Variants in NRG1 observed in about 807,000 individuals in gnomAD.
NRG1 encodes pro-neuregulin-1, membrane-bound isoform.
A neutral mutation model predicts 63.8 loss-of-function variants in NRG1; 18 were observed. The ratio of observed to expected loss-of-function variants is 0.28; its 90% CI spans 0.19 to 0.42. The LOEUF (loss-of-function observed/expected upper bound fraction) is 0.42. Ranked by LOEUF, NRG1 falls within the 10% of genes least tolerant of loss-of-function variation. The pLI is 1.00. For missense variants in NRG1, 762 were observed against 814.7 expected (o/e 0.94, Z 0.79); for synonymous variants, 302 against 301.3 (o/e 1.00, Z -0.02).
chr8:32,280,682 TTTTTTTTTG>T (rs1438397344), intron 1 of NRG1, among the ~76,000 whole-genome samples: 73 of 92,274 alleles, frequency 7.9e-4, no homozygotes, highest in African/African-American at 3.1e-3. Flanking sequence ...TGAATTAGGT[TTTTTTTTTG>T]TTTTTTTTTT....
chr8:32,680,477 G>T (rs10109194), intron 5 of NRG1, among the ~76,000 whole-genome samples: 14,027 of 152,144 alleles, frequency 0.092, 690 homozygotes, highest in African/African-American at 0.11. Flanking sequence ...GTTTATTGAG[G>T]CATGATCCAG....
At chr8:31,723,450 C>G (rs541333154) in intron 1 of NRG1, among the ~76,000 whole-genome samples, 1 of 152,058 alleles carries the variant, frequency 6.6e-6, no homozygotes, top group Non-Finnish European at 1.5e-5. Context: ...AACCTCTTTT[C>G]TCTTTTCCTT....
At chr8:32,534,831 T>C (rs1325823563) in intron 1 of NRG1, among the ~76,000 whole-genome samples, 1 of 152,166 alleles carries the variant, frequency 6.6e-6, no homozygotes, top group Non-Finnish European at 1.5e-5. Flanking sequence ...TTAATTTTAC[T>C]TTGGCTGTGG....
intron 1 of NRG1, among the ~76,000 whole-genome samples, chr8:32,350,218 A>G (rs1216630065): frequency 4.6e-5 from 7 of 152,206 alleles, no homozygotes; most frequent in Non-Finnish European, 1.0e-4. Flanking sequence ...AGAGAATAAT[A>G]AATTGTAAGA....
intron 5 of NRG1, among the ~76,000 whole-genome samples, chr8:32,727,562 A>G (rs1822527563): frequency 6.6e-6 from 1 of 152,224 alleles, no homozygotes; most frequent in Non-Finnish European, 1.5e-5. Context: ...ATTGCCATTA[A>G]AAATAGATGT....
chr8:31,918,686 G>A (rs1487194749), intron 1 of NRG1, among the ~76,000 whole-genome samples: 3 of 152,120 alleles, frequency 2.0e-5, no homozygotes, highest in Non-Finnish European at 2.9e-5. Context: ...GTCTCTGTCC[G>A]GCTTTGGTAT....
chr8:31,949,275 T>C (rs985771586), intron 1 of NRG1, among the ~76,000 whole-genome samples: 10 of 152,202 alleles, frequency 6.6e-5, no homozygotes, highest in African/African-American at 2.4e-4. Flanking sequence ...ACTTTCCATG[T>C]TAACAAAATC....
At chr8:32,575,775 C>T (rs1839513585) in intron 1 of NRG1, among the ~76,000 whole-genome samples, 1 of 152,146 alleles carries the variant, frequency 6.6e-6, no homozygotes, top group Non-Finnish European at 1.5e-5. Context: ...AGTTCTTACA[C>T]CTTTTATAAT....
At chr8:31,941,379 G>T (rs1488709195) in intron 1 of NRG1, among the ~76,000 whole-genome samples, 1 of 152,094 alleles carries the variant, frequency 6.6e-6, no homozygotes, top group Non-Finnish European at 1.5e-5. Flanking sequence ...AGCAAAATCT[G>T]CATAGAAGGG....
At chr8:32,314,711 C>T (rs561572586) in intron 1 of NRG1, among the ~76,000 whole-genome samples, 8 of 152,302 alleles carry the variant, frequency 5.3e-5, no homozygotes, top group Admixed American at 5.2e-4. Flanking sequence ...TTCCTCCCTG[C>T]AGTCTGAGGA....
At chr8:32,752,088 CA>C (rs1341607020) in intron 7 of NRG1, among the ~76,000 whole-genome samples, 12 of 152,186 alleles carry the variant, frequency 7.9e-5, no homozygotes, top group Non-Finnish European at 1.2e-4. Flanking sequence ...GAAAAGAGGA[CA>C]ATCATACAGG....
intron 1 of NRG1, among the ~76,000 whole-genome samples, chr8:32,520,529 T>G (rs1488736804): frequency 6.6e-6 from 1 of 152,090 alleles, no homozygotes; most frequent in Non-Finnish European, 1.5e-5. Context: ...GAAATTAAAA[T>G]GAGATATGTA....
chr8:31,705,645 T>C (rs773263281), intron 1 of NRG1, among the ~76,000 whole-genome samples: 8 of 152,350 alleles, frequency 5.3e-5, no homozygotes, highest in African/African-American at 9.6e-5. Flanking sequence ...GAGAGAACTT[T>C]TTTTCCTCTC....
intron 1 of NRG1, among the ~76,000 whole-genome samples, chr8:32,494,463 A>AT (rs904488170): frequency 6.6e-6 from 1 of 151,994 alleles, no homozygotes; most frequent in African/African-American, 2.4e-5. Context: ...CCATTTGTTA[A>AT]TTTTTTTTAA....
At chr8:32,493,734 C>T (rs945115220) in intron 1 of NRG1, among the ~76,000 whole-genome samples, 16 of 152,136 alleles carry the variant, frequency 1.1e-4, no homozygotes, top group Admixed American at 2.0e-4. Flanking sequence ...AATGCAAATA[C>T]GCCAGTTTTG....
At chr8:32,140,168 G>A (rs535745676) in intron 1 of NRG1, among the ~76,000 whole-genome samples, 5 of 152,208 alleles carry the variant, frequency 3.3e-5, no homozygotes, top group Admixed American at 2.6e-4. Flanking sequence ...CAATGCTGAA[G>A]GTCAGGGCAG....
intron 5 of NRG1, among the ~76,000 whole-genome samples, chr8:32,662,912 A>G (rs527774974): frequency 1.3e-5 from 2 of 152,310 alleles, no homozygotes; most frequent in South Asian, 2.1e-4. Flanking sequence ...TCTCATAAAA[A>G]TAAAGCGAGA....
intron 1 of NRG1, among the ~76,000 whole-genome samples, chr8:32,347,890 A>G (rs1365991980): frequency 6.6e-6 from 1 of 152,044 alleles, no homozygotes; most frequent in East Asian, 1.9e-4. Flanking sequence ...AAAACTTGAA[A>G]CTCAATGTTC....
intron 1 of NRG1, among the ~76,000 whole-genome samples, chr8:31,981,168 G>T (rs955035031): frequency 6.6e-6 from 1 of 151,890 alleles, no homozygotes; most frequent in African/African-American, 2.4e-5. Flanking sequence ...AGGGACAACT[G>T]TTAGGAAACA....
Sources: allele counts gnomAD v4.1 joint callset (sites outside exome capture counted in the v4.1 genomes callset), GRCh38; gene constraint gnomAD v4.1.1; transcripts MANE v1.5; gene names NCBI Gene and HGNC (gene_info 2026-07-23, HGNC 2026-07-21).